The following TNS1 variants were observed in gnomAD, a reference collection of about 807,000 sequenced individuals.
TNS1 encodes the protein tensin 1, also known as tensin-1.
In TNS1, 62 loss-of-function variants were observed where a neutral mutation model predicts 168.6. That is an observed-to-expected ratio of 0.37 (90% CI 0.30 to 0.45). The LOEUF is 0.45. Among genes scored for constraint, TNS1 ranks in the 20% least tolerant of loss-of-function variants. The pLI, the probability that TNS1 is intolerant of heterozygous loss-of-function variation, is 1.00. For missense variants in TNS1, 2,240 were observed against 2,339.4 expected (o/e 0.96, Z 0.88); for synonymous variants, 934 against 933.2 (o/e 1.00, Z -0.02).
intron 19 of TNS1, among the ~76,000 whole-genome samples, chr2:217,846,383 A>G (rs1946648305): frequency 1.3e-5 from 2 of 152,116 alleles, no homozygotes; most frequent in South Asian, 4.2e-4. Context: ...GCTTCCCTAA[A>G]CCCACGGTCC....
intron 4 of TNS1, among the ~76,000 whole-genome samples, chr2:217,913,086 G>A (rs114250753): frequency 0.026 from 3,908 of 152,278 alleles, 90 homozygotes; most frequent in Non-Finnish European, 0.034. Flanking sequence ...AGTGGGAGCC[G>A]ATGGGTGAGG....
chr2:217,835,052 G>A (rs769932466), intron 21 of TNS1, 39 bp downstream of exon 21: 5 of 1,529,368 alleles, frequency 3.3e-6, no homozygotes, highest in Non-Finnish European at 4.4e-6. Context: ...AGGGGCTGGA[G>A]GGTACACAGG....
chr2:217,997,272 A>G (rs764512072), intron 1 of TNS1, among the ~76,000 whole-genome samples: 7 of 152,108 alleles, frequency 4.6e-5, no homozygotes, highest in Non-Finnish European at 8.8e-5. Flanking sequence ...CAGCATCAAT[A>G]CAATCCCACT....
At chr2:217,883,827 T>C (rs1161065644) in intron 16 of TNS1, among the ~76,000 whole-genome samples, 1 of 152,162 alleles carries the variant, frequency 6.6e-6, no homozygotes, top group Non-Finnish European at 1.5e-5. Context: ...ACTAAGGAGA[T>C]CTGGACCCTC....
intron 3 of TNS1, among the ~76,000 whole-genome samples, chr2:217,923,712 C>T (rs369751119): frequency 7.2e-5 from 11 of 152,344 alleles, no homozygotes; most frequent in African/African-American, 2.2e-4. Context: ...AAGCCCTTTG[C>T]TCTCATTGGA....
At chr2:217,906,213 T>A (rs1953674384) in intron 6 of TNS1, 122 bp downstream of exon 6, 1 of 635,684 alleles carries the variant, frequency 1.6e-6, no homozygotes, top group Non-Finnish European at 2.8e-6. Context: ...AATGCCAGCC[T>A]CTCCTTCTAG....
chr2:217,931,528 TCCACACAGACATCAGAGAC>T (rs989762325), intron 3 of TNS1, among the ~76,000 whole-genome samples: 4 of 151,996 alleles, frequency 2.6e-5, no homozygotes, highest in African/African-American at 9.7e-5. Context: ...CACACTCAAA[TCCACACAGACATCAGAGAC>T]CCACACAGAC....
At chr2:217,967,681 C>T (rs537313069) in intron 3 of TNS1, among the ~76,000 whole-genome samples, 81 of 152,242 alleles carry the variant, frequency 5.3e-4, no homozygotes, top group African/African-American at 1.7e-3. Flanking sequence ...AAAAACTACA[C>T]GCAAAGAAAA....
In TNS1 at chr2:217,897,961, C is replaced by T. The variant is rs750480116; in HGVS notation, c.380G>A (p.Ser127Asn). The T allele has an allele frequency of 1.2e-6, 2 of 1,605,140 alleles. No homozygotes were observed. The highest frequency in any genetic ancestry group is 1.7e-5 in the Admixed American group (1 of 58,542). ...GCTGTCCTCCATGGTCCGGCTCACA[C>T]TCATGTTTCTAGGGAGACAGCAGGC... ...QPHLQPIRNM[S>N]VSRTMEDSCE... is the part of the protein sequence containing the mutation. The change falls in exon 8 of 33, where the codon AGT becomes AAT. Residue 127 changes from serine (S) to asparagine (N), a missense_variant. By Grantham distance (46) the Ser-to-Asn change is conservative. This residue lies in a region of TNS1 where 2,131 missense variants were observed against 2,171.2 expected (regional missense o/e 0.98). Transcript: ENST00000682258.
At position 217,897,682 on chromosome 2, in the gene TNS1, A is replaced by C. The variant is rs906548373; in HGVS notation, c.543+116T>G. ...CCTGAGGGGAAAGGCAGATAAACAA[A>C]GAGAAGAGGGCATGCTGGCACAGGG... is the stretch of plus-strand genomic sequence containing the variant. On this transcript the variant is annotated intron_variant, in intron 8 of 32. Transcript: ENST00000682258. 122 of 1,162,580 alleles carry C rather than the reference A, an allele frequency of 1.0e-4. 1 individual carries two copies. The highest frequency in any genetic ancestry group is 1.3e-4 in the South Asian group (8 of 61,500). The allele number at this position is 1,162,580 out of a possible 1,614,324, so 72.0% of individuals were successfully genotyped here. A position where few individuals can be genotyped will look rare whatever the true frequency, so the allele number is the denominator to read the frequency against.
At chr2:217,937,025 CT>C (rs1212973253) in intron 3 of TNS1, 1 of 456,844 alleles carries the variant, frequency 2.2e-6, no homozygotes. Flanking sequence ...CTGAAGAAGT[CT>C]TTGCCCCTTT....
At chr2:217,913,188 G>C (rs1954627230) in intron 4 of TNS1, among the ~76,000 whole-genome samples, 1 of 152,098 alleles carries the variant, frequency 6.6e-6, no homozygotes, top group Non-Finnish European at 1.5e-5. Flanking sequence ...GTTGCTCCAG[G>C]GGCCACATCC....
intron 11 of TNS1, among the ~76,000 whole-genome samples, chr2:217,891,619 G>GA (rs1252971349): frequency 6.6e-6 from 1 of 152,184 alleles, no homozygotes; most frequent in Non-Finnish European, 1.5e-5. Flanking sequence ...AGCACTCAGA[G>GA]AAGTCACTTT....
rs770674868 is a variant in TNS1, at chr2:217,879,558, G to T, written c.1429+1340C>A. The T allele has an allele frequency of 2.0e-4, 67 of 336,272 alleles. 1 individual carries two copies. Among genetic ancestry groups the T allele is most frequent in the South Asian group, 1.3e-3 (62 of 47,682 alleles). 20.8% of individuals were successfully genotyped at this position (336,272 alleles called of 1,614,324 possible). A position where few individuals can be genotyped will look rare whatever the true frequency, so the allele number is the denominator to read the frequency against. ...GGGAACTGAGGCAGGTGTGAGGACA[G>T]GCCATCCACTTTTCAATGTTGCACG... is the stretch of plus-strand genomic sequence containing the variant. On this transcript the variant is annotated intron_variant, in intron 18 of 32. Coordinates refer to ENST00000682258, the MANE Select transcript of TNS1 (RefSeq NM_001387777.1).
At chr2:217,875,197 C>T (rs996138780) in intron 18 of TNS1, among the ~76,000 whole-genome samples, 1 of 152,156 alleles carries the variant, frequency 6.6e-6, no homozygotes, top group Non-Finnish European at 1.5e-5. Flanking sequence ...GAACAGAGAC[C>T]TTTCTGACCC....
At chr2:217,811,176 A>G (rs1940829180) in intron 28 of TNS1, among the ~76,000 whole-genome samples, 1 of 152,230 alleles carries the variant, frequency 6.6e-6, no homozygotes, top group African/African-American at 2.4e-5. Flanking sequence ...CACCATGCCC[A>G]GCCAATATTT....
At chr2:217,913,896 C>A (rs1253013933) in intron 4 of TNS1, among the ~76,000 whole-genome samples, 1 of 152,128 alleles carries the variant, frequency 6.6e-6, no homozygotes, top group African/African-American at 2.4e-5. Flanking sequence ...GGCAGGGTCA[C>A]CAAGGGTTGT....
At chr2:217,826,318 T>C (rs1467490416) in intron 22 of TNS1, among the ~76,000 whole-genome samples, 1 of 152,232 alleles carries the variant, frequency 6.6e-6, no homozygotes, top group Non-Finnish European at 1.5e-5. Flanking sequence ...AGTTTTCAGA[T>C]GCAGATCTCC....
intron 3 of TNS1, among the ~76,000 whole-genome samples, chr2:217,963,603 T>C (rs1957551592): frequency 6.6e-6 from 1 of 152,114 alleles, no homozygotes. Context: ...AATAGCTAGA[T>C]AAGAATAATT....
Sources: gnomAD v4.1 joint callset for allele counts (sites outside exome capture counted in the v4.1 genomes callset) on GRCh38, gnomAD v4.1.1 for gene constraint, gnomAD v4.1.1 regional missense constraint, MANE v1.5 for transcripts, NCBI Gene and HGNC (gene_info 2026-07-23, HGNC 2026-07-21) for gene names.